The following EXOC6B variants were observed in gnomAD, a reference collection of about 807,000 sequenced individuals.
EXOC6B encodes the protein SEC15 homolog B.
EXOC6B carries 54 observed loss-of-function variants against 113.5 expected under a neutral mutation model. The observed-to-expected ratio is 0.48, with a 90% CI of 0.38 to 0.60. The LOEUF (loss-of-function observed/expected upper bound fraction) is 0.60, where lower values mean the gene tolerates loss of function less well. Among genes scored for constraint, EXOC6B ranks in the 20% least tolerant of loss-of-function variants. The pLI, the probability that EXOC6B is intolerant of heterozygous loss-of-function variation, is 0.00. For synonymous variants in EXOC6B, 357 were observed against 339.0 expected (o/e 1.05, Z -0.58); for missense variants, 797 against 977.5 (o/e 0.82, Z 2.46).
At chr2:72,441,748 C>T (rs181822298) in intron 18 of EXOC6B, among the ~76,000 whole-genome samples, 3 of 151,608 alleles carry the variant, frequency 2.0e-5, no homozygotes, top group African/African-American at 7.2e-5. Flanking sequence ...AGTACTACCA[C>T]TTACCAACCA....
At chr2:72,380,906 A>C (rs1200873589) in intron 18 of EXOC6B, among the ~76,000 whole-genome samples, 2 of 152,194 alleles carry the variant, frequency 1.3e-5, no homozygotes, top group Non-Finnish European at 2.9e-5. Flanking sequence ...ATGTTTTAAA[A>C]ACACTATGAT....
intron 5 of EXOC6B, among the ~76,000 whole-genome samples, chr2:72,726,393 GAAAT>G (rs139504231): frequency 0.026 from 3,896 of 152,180 alleles, 166 homozygotes; most frequent in African/African-American, 0.088. Flanking sequence ...AACTGAAGGT[GAAAT>G]AAATACTTTT....
chr2:72,231,712 A>G (rs959457061), intron 20 of EXOC6B, among the ~76,000 whole-genome samples: 3 of 152,346 alleles, frequency 2.0e-5, no homozygotes, highest in African/African-American at 7.2e-5. Context: ...ACACAAATGC[A>G]TAATAAACAT....
intron 6 of EXOC6B, among the ~76,000 whole-genome samples, chr2:72,617,201 T>G (rs1671435753): frequency 6.6e-6 from 1 of 152,202 alleles, no homozygotes; most frequent in Middle Eastern, 3.2e-3. Context: ...TTGCAGGGTA[T>G]AGCCCCCCTC....
At chr2:72,298,854 C>T (rs1328544917) in intron 20 of EXOC6B, among the ~76,000 whole-genome samples, 1 of 152,192 alleles carries the variant, frequency 6.6e-6, no homozygotes, top group East Asian at 1.9e-4. Flanking sequence ...GAGAGATCCG[C>T]TGTTAGTCTG....
chr2:72,788,908 T>A (rs561831507), intron 1 of EXOC6B, among the ~76,000 whole-genome samples: 2 of 152,222 alleles, frequency 1.3e-5, no homozygotes, highest in East Asian at 3.8e-4. Flanking sequence ...TTCTTTGCTT[T>A]AGTTTTCTCC....
intron 18 of EXOC6B, among the ~76,000 whole-genome samples, chr2:72,415,529 T>C (rs888731387): frequency 1.3e-5 from 2 of 152,042 alleles, no homozygotes; most frequent in African/African-American, 4.8e-5. Flanking sequence ...TCTTTTTTTT[T>C]TTTTTGAGAG....
At chr2:72,653,195 G>A (rs1674319146) in intron 6 of EXOC6B, among the ~76,000 whole-genome samples, 1 of 151,166 alleles carries the variant, frequency 6.6e-6, no homozygotes, top group African/African-American at 2.4e-5. Context: ...AGAAAATGTG[G>A]CACATATACA....
intron 5 of EXOC6B, among the ~76,000 whole-genome samples, chr2:72,726,785 G>A (rs1330133037): frequency 6.6e-6 from 1 of 152,068 alleles, no homozygotes; most frequent in Non-Finnish European, 1.5e-5. Context: ...ACATTGTAAA[G>A]ATAGAAGGAA....
In EXOC6B at chr2:72,492,367, C is replaced by G; in HGVS notation, c.1616G>C (p.Ser539Thr). ...TTTAATTACATTCTGCAGAGAGTTG[C>G]TCAGAGTCCTGGTTAGCAACAGGTT... ...STNLLLTRTL[S>T]NSLQNVIKRK... Residue 539 changes from serine (S) to threonine (T), a missense_variant, in exon 16 of 22, where the codon AGC becomes ACC. Physicochemically the swap from Ser to Thr is moderately conservative, Grantham distance 58. Transcript: ENST00000272427. 6.2e-7 allele frequency: 1 copy of G among 1,612,994 alleles called. No homozygotes were observed. The highest frequency in any genetic ancestry group is 1.1e-5 in the South Asian group (1 of 91,046).
chr2:72,726,744 G>C (rs547122069), intron 5 of EXOC6B, among the ~76,000 whole-genome samples: 1 of 152,208 alleles, frequency 6.6e-6, no homozygotes, highest in East Asian at 1.9e-4. Context: ...GTGTGATTTG[G>C]TGTAATATTT....
chr2:72,246,507 ATTTTT>A (rs11386307), intron 20 of EXOC6B, among the ~76,000 whole-genome samples: 1 of 137,066 alleles, frequency 7.3e-6, no homozygotes, highest in African/African-American at 2.7e-5. Context: ...TAACTAATTG[ATTTTT>A]TTTTTTTTTT....
chr2:72,492,468 C>T (rs1189260493), intron 15 of EXOC6B, 39 bp from the exon 16 acceptor site: 1 of 1,376,756 alleles, frequency 7.3e-7, no homozygotes, highest in Non-Finnish European at 1.0e-6. Context: ...TAGCAGGTAG[C>T]AGAATTATTT....
chr2:72,667,821 T>C (rs192357627), intron 6 of EXOC6B, among the ~76,000 whole-genome samples: 3 of 152,294 alleles, frequency 2.0e-5, no homozygotes, highest in Admixed American at 6.5e-5. Flanking sequence ...TGGCGAAGAA[T>C]TTATGGCTAA....
At chr2:72,594,906 A>G (rs1669968790) in intron 6 of EXOC6B, among the ~76,000 whole-genome samples, 1 of 152,214 alleles carries the variant, frequency 6.6e-6, no homozygotes, top group Non-Finnish European at 1.5e-5. Context: ...ATCTATGCAC[A>G]ATATAGTCTT....
At chr2:72,311,695 G>A (rs1687194329) in intron 20 of EXOC6B, among the ~76,000 whole-genome samples, 1 of 152,004 alleles carries the variant, frequency 6.6e-6, no homozygotes, top group Non-Finnish European at 1.5e-5. Flanking sequence ...ACACCTTGTG[G>A]GGAGGGAGGA....
intron 1 of EXOC6B, among the ~76,000 whole-genome samples, chr2:72,799,936 G>A (rs182703712): frequency 1.3e-4 from 20 of 152,140 alleles, no homozygotes; most frequent in African/African-American, 3.4e-4. Flanking sequence ...ATGGTGGCAT[G>A]CACCTGTAGT....
intron 1 of EXOC6B, among the ~76,000 whole-genome samples, chr2:72,755,852 G>A (rs1682380666): frequency 6.6e-6 from 1 of 151,828 alleles, no homozygotes; most frequent in Admixed American, 6.6e-5. Flanking sequence ...AGTCCCTACG[G>A]GCTTTTAGAA....
chr2:72,375,833 C>A (rs540192191), intron 19 of EXOC6B, among the ~76,000 whole-genome samples: 2 of 152,266 alleles, frequency 1.3e-5, no homozygotes, highest in South Asian at 4.1e-4. Flanking sequence ...TAGAAATTAG[C>A]TAGGCATCTG....
Sources: allele counts gnomAD v4.1 joint callset (sites outside exome capture counted in the v4.1 genomes callset), GRCh38; gene constraint gnomAD v4.1.1; transcripts MANE v1.5; gene names NCBI Gene and HGNC (gene_info 2026-07-23, HGNC 2026-07-21).